Variants in DEPDC5 observed in about 807,000 individuals in gnomAD.
DEPDC5 encodes DEP domain containing 5, GATOR1 subcomplex subunit, also known as GATOR1 complex protein DEPDC5.
DEPDC5 carries 73 observed loss-of-function variants against 217.3 expected under a neutral mutation model. The ratio of observed to expected loss-of-function variants is 0.34; its 90% confidence interval spans 0.28 to 0.41. The LOEUF is 0.41. Ranked by LOEUF, DEPDC5 falls within the 10% of genes least tolerant of loss-of-function variation. DEPDC5 has a pLI of 1.00. For missense variants in DEPDC5, 1,675 were observed against 2,070.1 expected (o/e 0.81, Z 3.70); for synonymous variants, 733 against 756.7 (o/e 0.97, Z 0.51).
intron 24 of DEPDC5, among the ~76,000 whole-genome samples, chr22:31,829,589 A>G (rs1337839041): frequency 1.3e-5 from 2 of 151,826 alleles, no homozygotes; most frequent in Non-Finnish European, 1.5e-5. Flanking sequence ...CTGTGACCCT[A>G]CCTTCACCTC....
chr22:31,861,324 T>C, intron 32 of DEPDC5, 44 bp from the exon 33 acceptor site: 3 of 1,545,368 alleles, frequency 1.9e-6, no homozygotes, highest in South Asian at 1.2e-5. Context: ...GTTTCTTCGC[T>C]TCCTTGCAAC....
chr22:31,861,224 T>C (rs1280192034), intron 32 of DEPDC5, 144 bp from the exon 33 acceptor site: 3 of 607,986 alleles, frequency 4.9e-6, no homozygotes, highest in Non-Finnish European at 8.7e-6. Flanking sequence ...TATGTCCTTG[T>C]TTCTCTCCTT....
intron 20 of DEPDC5, among the ~76,000 whole-genome samples, chr22:31,812,353 G>A (rs1271532852): frequency 5.3e-5 from 8 of 150,362 alleles, no homozygotes; most frequent in African/African-American, 4.9e-5. Flanking sequence ...TTGTGAATGT[G>A]TGAAACAGCT....
chr22:31,890,167 T>G (rs112863844), intron 38 of DEPDC5, among the ~76,000 whole-genome samples: 2,180 of 152,204 alleles, frequency 0.014, 19 homozygotes, highest in Middle Eastern at 0.031. Flanking sequence ...CTATGAACCA[T>G]CTGGGCTGGC....
intron 30 of DEPDC5, among the ~76,000 whole-genome samples, chr22:31,845,781 G>GTA (rs2091697667): frequency 6.6e-6 from 1 of 151,662 alleles, no homozygotes; most frequent in African/African-American, 2.4e-5. Flanking sequence ...GTGTGTGTGT[G>GTA]TACACAGGTC....
chr22:31,834,160 G>C, intron 25 of DEPDC5, 180 bp downstream of exon 25: 1 of 705,444 alleles, frequency 1.4e-6, no homozygotes. Context: ...GAAAGTGAGG[G>C]GGTGTGTGAC....
chr22:31,808,252 T>G (rs983510158), intron 18 of DEPDC5, among the ~76,000 whole-genome samples: 1 of 150,350 alleles, frequency 6.7e-6, no homozygotes, highest in Non-Finnish European at 1.5e-5. Context: ...CATGCCACCA[T>G]GCCTAATTTT....
chr22:31,867,402 C>T (rs1444037724), intron 33 of DEPDC5, among the ~76,000 whole-genome samples: 1 of 152,148 alleles, frequency 6.6e-6, no homozygotes, highest in Non-Finnish European at 1.5e-5. Context: ...ACCTCTGTTC[C>T]AAGACTCATA....
At chr22:31,886,346 G>A (rs969178300) in intron 38 of DEPDC5, among the ~76,000 whole-genome samples, 8 of 152,104 alleles carry the variant, frequency 5.3e-5, no homozygotes, top group Non-Finnish European at 1.2e-4. Context: ...GAATATCCTC[G>A]TTTCCAAAGC....
At chr22:31,846,761 T>A in intron 30 of DEPDC5, 73 bp from the exon 31 acceptor site, 1 of 1,605,256 alleles carries the variant, frequency 6.2e-7, no homozygotes, top group Non-Finnish European at 8.5e-7. Context: ...TGCTGCAGCA[T>A]GCCCTGGGGC....
At chr22:31,800,935 C>T (rs904852494) in intron 14 of DEPDC5, among the ~76,000 whole-genome samples, 7 of 151,634 alleles carry the variant, frequency 4.6e-5, no homozygotes, top group South Asian at 4.2e-4. Context: ...GAGATCACGC[C>T]GCTGCACTCC....
chr22:31,849,092 C>T (rs1439879252), intron 31 of DEPDC5, among the ~76,000 whole-genome samples: 1 of 152,164 alleles, frequency 6.6e-6, no homozygotes, highest in Non-Finnish European at 1.5e-5. Flanking sequence ...CCAAACTTTC[C>T]CACATCTTCC....
Position 31,819,166 on chromosome 22 carries a change from C to T in DEPDC5, c.1811C>T (p.Ser604Phe). The T allele has an allele frequency of 6.2e-7, 1 of 1,614,184 alleles. No individual in the cohort carries two copies. Among genetic ancestry groups the T allele is most frequent in the Non-Finnish European group, 8.5e-7 (1 of 1,180,026 alleles). The change falls in exon 22 of 43, where the codon TCT becomes TTT. Residue 604 changes from serine (S) to phenylalanine (F), a missense_variant. Physicochemically the swap from Ser to Phe is radical, Grantham distance 155. Transcript: ENST00000651528. Reference protein sequence around the residue: ...QRALINPFAPSRMPMKLTSNR... With the variant: ...QRALINPFAPFRMPMKLTSNR... ...GCACTGATTAACCCCTTCGCTCCCT[C>T]TCGGATGCCCATGAAGCTTACGTCC...
chr22:31,806,835 C>A (rs566630927), intron 18 of DEPDC5, among the ~76,000 whole-genome samples: 1 of 152,206 alleles, frequency 6.6e-6, no homozygotes, highest in East Asian at 1.9e-4. Flanking sequence ...TATAGTGAGA[C>A]CCCATTTCTG....
intron 31 of DEPDC5, among the ~76,000 whole-genome samples, chr22:31,857,094 G>A (rs951339761): frequency 1.1e-4 from 17 of 151,848 alleles, no homozygotes; most frequent in African/African-American, 4.1e-4. Context: ...TGCTTTTGCT[G>A]GTATATTAAA....
At chr22:31,873,063 GTA>G in intron 34 of DEPDC5, 190 bp from the exon 35 acceptor site, 1 of 1,145,508 alleles carries the variant, frequency 8.7e-7, no homozygotes, top group African/African-American at 1.6e-5. Flanking sequence ...CCCTAAATGT[GTA>G]TATTTTAAAA....
At chr22:31,795,132 G>A (rs886608416) in intron 12 of DEPDC5, among the ~76,000 whole-genome samples, 23 of 141,410 alleles carry the variant, frequency 1.6e-4, no homozygotes, top group Non-Finnish European at 3.3e-4. Flanking sequence ...GTGCACTAGC[G>A]TGATCTCAGC....
intron 17 of DEPDC5, 98 bp downstream of exon 17, chr22:31,805,013 C>T: frequency 1.7e-6 from 2 of 1,190,864 alleles, no homozygotes; most frequent in African/African-American, 1.5e-5. Context: ...TGGCACTAAA[C>T]CTTTTGTTAA....
chr22:31,828,417 A>G (rs1055383958), intron 24 of DEPDC5, among the ~76,000 whole-genome samples: 4 of 138,908 alleles, frequency 2.9e-5, no homozygotes, highest in African/African-American at 1.1e-4. Context: ...ACGCCATTGC[A>G]CTCCAGCCTA....
Sources: gnomAD v4.1 joint callset for allele counts (sites outside exome capture counted in the v4.1 genomes callset) on GRCh38, gnomAD v4.1.1 for gene constraint, MANE v1.5 for transcripts, NCBI Gene and HGNC (gene_info 2026-07-23, HGNC 2026-07-21) for gene names.